CDK8: variants seen among roughly 807,000 people sequenced by gnomAD.
CDK8 encodes cyclin-dependent kinase 8.
CDK8 carries 29 observed loss-of-function variants against 71.5 expected under a neutral mutation model. The ratio of observed to expected loss-of-function variants is 0.41; its 90% CI spans 0.30 to 0.55. The LOEUF is 0.55. Ranked by LOEUF, CDK8 falls within the 20% of genes least tolerant of loss-of-function variation. The pLI is 0.37. For missense variants in CDK8, 288 were observed against 572.6 expected (o/e 0.50, Z 5.07); for synonymous variants, 161 against 192.1 (o/e 0.84, Z 1.34).
At chr13:26,288,017 C>T (rs964227808) in intron 1 of CDK8, among the ~76,000 whole-genome samples, 4 of 152,138 alleles carry the variant, frequency 2.6e-5, no homozygotes, top group Admixed American at 1.3e-4. Flanking sequence ...GGCTGGAGTG[C>T]AGGGGTGTGA....
chr13:26,387,332 AC>A (rs1555234657), intron 6 of CDK8, among the ~76,000 whole-genome samples: 1 of 152,106 alleles, frequency 6.6e-6, no homozygotes, highest in Non-Finnish European at 1.5e-5. Context: ...CTGTTTGGTG[AC>A]CCTTGAGTGT....
intron 3 of CDK8, among the ~76,000 whole-genome samples, chr13:26,350,984 T>TA (rs1440487330): frequency 6.6e-6 from 1 of 152,032 alleles, no homozygotes; most frequent in African/African-American, 2.4e-5. Flanking sequence ...ACCTTGCAGA[T>TA]AAAACTTTGA....
At chr13:26,280,281 A>G (rs1872691361) in intron 1 of CDK8, among the ~76,000 whole-genome samples, 1 of 152,250 alleles carries the variant, frequency 6.6e-6, no homozygotes, top group Non-Finnish European at 1.5e-5. Context: ...TAACTGAAAT[A>G]GCACGAAAAG....
At chr13:26,348,203 C>T (rs1490436755) in intron 2 of CDK8, among the ~76,000 whole-genome samples, 1 of 152,042 alleles carries the variant, frequency 6.6e-6, no homozygotes, top group Non-Finnish European at 1.5e-5. Flanking sequence ...GTTCCACTTA[C>T]ATGAAATATC....
intron 1 of CDK8, among the ~76,000 whole-genome samples, chr13:26,278,792 A>G (rs1872642023): frequency 1.3e-5 from 2 of 152,180 alleles, no homozygotes; most frequent in Admixed American, 6.6e-5. Context: ...TGGGTTCCAT[A>G]TATGCAGGTT....
At chr13:26,390,061 C>T (rs1205343407) in intron 6 of CDK8, among the ~76,000 whole-genome samples, 4 of 151,898 alleles carry the variant, frequency 2.6e-5, no homozygotes, top group Non-Finnish European at 5.9e-5. Flanking sequence ...TCTTTAATAC[C>T]AGCCTCTACC....
chr13:26,332,111 G>T (rs1222349691), intron 1 of CDK8, among the ~76,000 whole-genome samples: 1 of 151,976 alleles, frequency 6.6e-6, no homozygotes, highest in East Asian at 1.9e-4. Flanking sequence ...TTCTTGGTTG[G>T]ATCATTTTTG....
rs115839394 is a variant in CDK8, at chr13:26,330,688, G to A, written c.129-6879G>A. Among the ~76,000 whole-genome samples the A allele has an allele frequency of 6.6e-3, 999 of 151,268 alleles. 11 individuals are homozygous for A. The highest frequency in any genetic ancestry group is 0.021 in the African/African-American group (862 of 41,136). ...GAGAACGTGCAATATTTGTCTTTTC[G>A]CGTCTGGCTTATTTTGCTTAAGCTA... is the stretch of plus-strand genomic sequence containing the variant. On this transcript the variant is annotated intron_variant, in intron 1 of 12. Transcript: ENST00000381527.
chr13:26,388,701 TA>T (rs1875596491), intron 6 of CDK8, among the ~76,000 whole-genome samples: 1 of 152,350 alleles, frequency 6.6e-6, no homozygotes, highest in South Asian at 2.1e-4. Context: ...AAGATTTATA[TA>T]ACCTTTTACT....
chr13:26,370,451 A>T (rs994979207), intron 4 of CDK8, among the ~76,000 whole-genome samples: 4 of 152,232 alleles, frequency 2.6e-5, no homozygotes, highest in Admixed American at 6.5e-5. Context: ...CTGGTGAAAC[A>T]GTGTTCATTT....
intron 1 of CDK8, among the ~76,000 whole-genome samples, chr13:26,304,013 C>G (rs865995964): frequency 1.3e-5 from 2 of 151,912 alleles, no homozygotes; most frequent in Non-Finnish European, 2.9e-5. Flanking sequence ...ACTTGGAATC[C>G]CAGCACTTCA....
At chr13:26,274,997 A>G (rs1258766316) in intron 1 of CDK8, among the ~76,000 whole-genome samples, 1 of 152,188 alleles carries the variant, frequency 6.6e-6, no homozygotes, top group Non-Finnish European at 1.5e-5. Context: ...CTTGTTAGGT[A>G]GGGTTCTAAC....
intron 1 of CDK8, among the ~76,000 whole-genome samples, chr13:26,300,330 G>C (rs149769866): frequency 7.9e-5 from 12 of 152,266 alleles, no homozygotes; most frequent in African/African-American, 2.6e-4. Context: ...AGTATGCAGC[G>C]TGGGTGGGCT....
chr13:26,342,422 T>C (rs1476766225), intron 2 of CDK8, among the ~76,000 whole-genome samples: 1 of 152,166 alleles, frequency 6.6e-6, no homozygotes, highest in Non-Finnish European at 1.5e-5. Context: ...GCCAGACTCT[T>C]TGGGCTCTTA....
intron 1 of CDK8, among the ~76,000 whole-genome samples, chr13:26,257,907 TGTGTGTGTGTGTGTGA>T (rs1246992768): frequency 7.2e-6 from 1 of 139,428 alleles, no homozygotes; most frequent in Non-Finnish European, 1.5e-5. Flanking sequence ...TGTGTGTGTG[TGTGTGTGTGTGTGTGA>T]GAGAGAGAGA....
chr13:26,319,286 A>G (rs370812719), intron 1 of CDK8, among the ~76,000 whole-genome samples: 23 of 151,906 alleles, frequency 1.5e-4, no homozygotes, highest in Admixed American at 1.2e-3. Flanking sequence ...TGGCCAACAT[A>G]GTGAAACCCT....
At chr13:26,306,582 T>TTGA (rs912237960) in intron 1 of CDK8, among the ~76,000 whole-genome samples, 60 of 151,842 alleles carry the variant, frequency 4.0e-4, no homozygotes, top group African/African-American at 1.4e-3. Flanking sequence ...GGCCAAGGCC[T>TTGA]TGATTCTTCC....
chr13:26,336,144 T>C lies in CDK8; in HGVS notation c.129-1423T>C, dbSNP rs12871435. Reference sequence around the variant, plus strand: ...ACATACACACACACACACACACACATACACACATACACACACACAATCAAG... The same window carrying C: ...ACATACACACACACACACACACACACACACACATACACACACACAATCAAG... On this transcript the variant is annotated intron_variant, in intron 1 of 12. Coordinates refer to ENST00000381527, the MANE Select transcript of CDK8 (RefSeq NM_001260.3). Among the ~76,000 whole-genome samples the C allele has an allele frequency of 2.0e-3, 236 of 120,412 alleles. 1 individual carries two copies. Among genetic ancestry groups the C allele is most frequent in the African/African-American group, 4.7e-3 (161 of 34,362 alleles). The allele number at this position is 120,412 out of a possible 152,430, so 79.0% of individuals were successfully genotyped here. A position where few individuals can be genotyped will look rare whatever the true frequency, so the allele number is the denominator to read the frequency against.
At position 26,400,449 on chromosome 13, in the gene CDK8, T is replaced by C; in HGVS notation, c.934-4T>C. On this transcript the variant is annotated splice_polypyrimidine_tract_variant and splice_region_variant and intron_variant, in intron 9 of 12. Transcript: ENST00000381527. ...CGTCATGTTTGTATGATTTGTGATT[T>C]CAGCTTCAGAAGCTGCTTACCATGG... The C allele has an allele frequency of 1.3e-6, 2 of 1,581,144 alleles. No homozygotes were observed. Among genetic ancestry groups the C allele is most frequent in the Non-Finnish European group, 1.7e-6 (2 of 1,150,048 alleles).
Sources: allele counts gnomAD v4.1 joint callset (sites outside exome capture counted in the v4.1 genomes callset), GRCh38; gene constraint gnomAD v4.1.1; transcripts MANE v1.5; gene names NCBI Gene and HGNC (gene_info 2026-07-23, HGNC 2026-07-21).